The following SDHAF3 variants were observed in gnomAD, a reference collection of about 807,000 sequenced individuals.
SDHAF3 encodes the protein succinate dehydrogenase assembly factor 3, mitochondrial.
Under a neutral mutation model 11.5 loss-of-function variants are expected in SDHAF3, and 18 were observed. The observed-to-expected ratio is 1.56, with a 90% confidence interval of 1.08 to 2.32. The LOEUF is 2.32. SDHAF3 is among the 30% of genes most tolerant of loss of function. The probability of loss-of-function intolerance (pLI) is 0.00; values close to 1 mark genes in which losing one functional copy is unlikely to be tolerated. For synonymous variants in SDHAF3, 72 were observed against 59.3 expected, an observed-to-expected ratio of 1.21 and a Z score of -0.99; for missense variants, 200 against 154.4, an observed-to-expected ratio of 1.30 and a Z score of -1.57.
At chr7:97,140,612 G>T (rs554360931) in intron 1 of SDHAF3, among the ~76,000 whole-genome samples, 1 of 151,950 alleles carries the variant, frequency 6.6e-6, no homozygotes, top group Non-Finnish European at 1.5e-5. Context: ...AATTTCTTAC[G>T]CCTGTCTTTA....
At chr7:97,172,179 A>G (rs1023722571) in intron 1 of SDHAF3, among the ~76,000 whole-genome samples, 5 of 152,328 alleles carry the variant, frequency 3.3e-5, no homozygotes, top group South Asian at 2.1e-4. Flanking sequence ...AGCATATTCA[A>G]ATAGCATATA....
At chr7:97,170,344 TAA>T (rs1340793901) in intron 1 of SDHAF3, among the ~76,000 whole-genome samples, 15 of 152,218 alleles carry the variant, frequency 9.9e-5, no homozygotes, top group South Asian at 2.1e-4. Context: ...TCCATTCACC[TAA>T]ATGATCAGGA....
intron 1 of SDHAF3, among the ~76,000 whole-genome samples, chr7:97,180,618 T>TG (rs1554356261): frequency 1.3e-5 from 2 of 152,054 alleles, no homozygotes; most frequent in African/African-American, 2.4e-5. Flanking sequence ...AAATAAAAGT[T>TG]GGGGGAAAAA....
In SDHAF3 at chr7:97,144,182, G is replaced by GT. The variant is rs1295283474; in HGVS notation, c.174+26288dup. On this transcript the variant is annotated intron_variant, in intron 1 of 1. Transcript: ENST00000432641. ...ATTCTTTACTCTTTTTGATGGGATT[G>GT]TTTGTTTTTTTCTTACTGATTTGTT... Among the ~76,000 whole-genome samples the GT allele has an allele frequency of 1.1e-4, 16 of 150,148 alleles. No individual in the cohort carries two copies. The East Asian group carries it at 3.4e-3, about 32-fold the overall frequency.
At chr7:97,135,637 C>CGTGTGTGTGTGTGTGT (rs56102126) in intron 1 of SDHAF3, 3 of 85,396 alleles carry the variant, frequency 3.5e-5, no homozygotes, top group African/African-American at 5.0e-5. Context: ...TATGTGCGTG[C>CGTGTGTGTGTGTGTGT]GTGTGTGTGT....
At chr7:97,137,122 G>A (rs577764367) in intron 1 of SDHAF3, among the ~76,000 whole-genome samples, 219 of 152,136 alleles carry the variant, frequency 1.4e-3, no homozygotes, top group African/African-American at 4.9e-3. Context: ...AACTAAAGCT[G>A]AGAACATTGG....
At chr7:97,173,258 CTAATTT>C (rs1297242523) in intron 1 of SDHAF3, among the ~76,000 whole-genome samples, 3 of 152,120 alleles carry the variant, frequency 2.0e-5, no homozygotes, top group African/African-American at 7.2e-5. Context: ...TTGAATGTTT[CTAATTT>C]TAAGTTACAT....
intron 1 of SDHAF3, among the ~76,000 whole-genome samples, chr7:97,158,485 G>A (rs867790269): frequency 4.6e-5 from 7 of 151,978 alleles, no homozygotes; most frequent in Admixed American, 1.3e-4. Flanking sequence ...CTGCCACCAC[G>A]CTAGCTAATT....
At chr7:97,163,592 T>C (rs545429066) in intron 1 of SDHAF3, among the ~76,000 whole-genome samples, 1 of 152,352 alleles carries the variant, frequency 6.6e-6, no homozygotes, top group East Asian at 1.9e-4. Context: ...TGATGAGCCT[T>C]GACTCTTTAT....
intron 1 of SDHAF3, among the ~76,000 whole-genome samples, chr7:97,169,668 A>C (rs1444753631): frequency 6.6e-6 from 1 of 152,142 alleles, no homozygotes; most frequent in Non-Finnish European, 1.5e-5. Context: ...TTACAGATGA[A>C]CAGGTAGTTA....
At chr7:97,119,796 T>C (rs1326348830) in intron 1 of SDHAF3, among the ~76,000 whole-genome samples, 1 of 152,180 alleles carries the variant, frequency 6.6e-6, no homozygotes, top group African/African-American at 2.4e-5. Context: ...TCTGTTACTT[T>C]GTGGAATGTA....
At chr7:97,177,814 C>T (rs981804752) in intron 1 of SDHAF3, among the ~76,000 whole-genome samples, 3 of 152,120 alleles carry the variant, frequency 2.0e-5, no homozygotes, top group Non-Finnish European at 4.4e-5. Context: ...TTATCTGCCC[C>T]ATTTATGATG....
chr7:97,134,819 C>T (rs1476157036), intron 1 of SDHAF3, among the ~76,000 whole-genome samples: 2 of 152,146 alleles, frequency 1.3e-5, no homozygotes, highest in African/African-American at 4.8e-5. Flanking sequence ...GCTCATAACA[C>T]CCCTGACTGT....
intron 1 of SDHAF3, among the ~76,000 whole-genome samples, chr7:97,118,588 C>A (rs1449571403): frequency 6.8e-6 from 1 of 146,010 alleles, no homozygotes; most frequent in Admixed American, 6.8e-5. Flanking sequence ...AAAAGATATT[C>A]AGAGTATTTC....
At chr7:97,130,129 G>A (rs746939364) in intron 1 of SDHAF3, among the ~76,000 whole-genome samples, 3 of 151,952 alleles carry the variant, frequency 2.0e-5, no homozygotes, top group Non-Finnish European at 2.9e-5. Context: ...AAAACTATCC[G>A]GATGTGGTGG....
chr7:97,145,984 A>G (rs1789127972), intron 1 of SDHAF3, among the ~76,000 whole-genome samples: 2 of 152,128 alleles, frequency 1.3e-5, no homozygotes, highest in African/African-American at 4.8e-5. Flanking sequence ...TATATTTATA[A>G]TAAAAATTTT....
At chr7:97,135,067 T>TA (rs1791730091) in intron 1 of SDHAF3, 1 of 151,656 alleles carries the variant, frequency 6.6e-6, no homozygotes. Flanking sequence ...TACTCCTCTT[T>TA]TTTTTTTTTC....
chr7:97,132,409 T>A (rs902829452), intron 1 of SDHAF3, among the ~76,000 whole-genome samples: 1 of 152,118 alleles, frequency 6.6e-6, no homozygotes, highest in Non-Finnish European at 1.5e-5. Context: ...AGAAAAAATA[T>A]TTGGAGTCTA....
intron 1 of SDHAF3, among the ~76,000 whole-genome samples, chr7:97,118,185 A>G (rs749711902): frequency 1.1e-4 from 17 of 152,212 alleles, no homozygotes; most frequent in Admixed American, 7.8e-4. Context: ...GTCGTCGTTA[A>G]GTGCTCAAAA....
Sources: allele counts gnomAD v4.1 joint callset (sites outside exome capture counted in the v4.1 genomes callset), GRCh38; gene constraint gnomAD v4.1.1; transcripts MANE v1.5; gene names NCBI Gene and HGNC (gene_info 2026-07-23, HGNC 2026-07-21).